The following XKR6 variants were observed in gnomAD, a reference collection of about 807,000 sequenced individuals.
The protein encoded by XKR6 is XK related 6.
Under a neutral mutation model 56.7 loss-of-function variants are expected in XKR6, and 22 were observed. The observed-to-expected ratio is 0.39, with a 90% confidence interval of 0.28 to 0.55. The LOEUF is 0.55. Among genes scored for constraint, XKR6 ranks in the 20% least tolerant of loss-of-function variants. The pLI is 0.66. For synonymous variants in XKR6, 524 were observed against 387.8 expected, an observed-to-expected ratio of 1.35 and a Z score of -4.13; for missense variants, 852 against 889.0, an observed-to-expected ratio of 0.96 and a Z score of 0.53.
chr8:10,931,269 G>A (rs1026166802), intron 1 of XKR6, among the ~76,000 whole-genome samples: 1 of 152,084 alleles, frequency 6.6e-6, no homozygotes, highest in Admixed American at 6.5e-5. Context: ...GCTAATAAAA[G>A]AAATCAAAGA....
At chr8:11,169,632 G>C (rs565013042) in intron 1 of XKR6, among the ~76,000 whole-genome samples, 1 of 152,288 alleles carries the variant, frequency 6.6e-6, no homozygotes, top group South Asian at 2.1e-4. Context: ...CTGGAGAAAG[G>C]AGAAAATGGG....
chr8:11,163,675 C>G (rs375043038), intron 1 of XKR6, among the ~76,000 whole-genome samples: 30 of 152,194 alleles, frequency 2.0e-4, no homozygotes, highest in Middle Eastern at 3.2e-3. Context: ...TGGTCTGCTA[C>G]CCCAGACCAC....
intron 1 of XKR6, among the ~76,000 whole-genome samples, chr8:11,102,821 G>C (rs1388238353): frequency 6.6e-6 from 1 of 152,154 alleles, no homozygotes; most frequent in Non-Finnish European, 1.5e-5. Flanking sequence ...CTCAGAACTG[G>C]CTGCATTTGG....
chr8:11,032,843 C>A (rs956152439), intron 1 of XKR6, among the ~76,000 whole-genome samples: 1 of 152,192 alleles, frequency 6.6e-6, no homozygotes, highest in Admixed American at 6.5e-5. Context: ...GGTGTTGACA[C>A]TGGCCCTCCC....
chr8:11,137,820 C>T (rs1430367449), intron 1 of XKR6: 2 of 380,160 alleles, frequency 5.3e-6, no homozygotes, highest in Non-Finnish European at 1.0e-5. Context: ...TGCACCGCAA[C>T]TCTAGAATCT....
chr8:10,913,871 C>G (rs1800480503), intron 2 of XKR6, among the ~76,000 whole-genome samples: 1 of 152,204 alleles, frequency 6.6e-6, no homozygotes, highest in Non-Finnish European at 1.5e-5. Flanking sequence ...GTCCCAGCAG[C>G]AGCACGAGGC....
At chr8:10,917,306 T>C (rs557466757) in intron 2 of XKR6, among the ~76,000 whole-genome samples, 113 of 152,310 alleles carry the variant, frequency 7.4e-4, no homozygotes, top group Non-Finnish European at 1.5e-3. Flanking sequence ...GGCTTCCCTG[T>C]GTTAAATGGG....
intron 1 of XKR6, among the ~76,000 whole-genome samples, chr8:11,157,982 T>C (rs1801605990): frequency 6.6e-6 from 1 of 152,196 alleles, no homozygotes; most frequent in Non-Finnish European, 1.5e-5. Flanking sequence ...AAAAATCTGT[T>C]GAGTCAATTG....
intron 1 of XKR6, among the ~76,000 whole-genome samples, chr8:11,097,385 A>G (rs765941754): frequency 3.9e-5 from 6 of 152,104 alleles, no homozygotes; most frequent in Non-Finnish European, 7.4e-5. Flanking sequence ...TCCAGCATAA[A>G]CTTGAGCAAT....
intron 1 of XKR6, among the ~76,000 whole-genome samples, chr8:11,177,460 C>T (rs567235375): frequency 6.6e-6 from 1 of 152,276 alleles, no homozygotes; most frequent in East Asian, 1.9e-4. Context: ...GCTCAATTCT[C>T]CCTCCCAAAA....
In XKR6 at chr8:11,200,756, G is replaced by A. The variant is rs1369595488; in HGVS notation, c.584C>T (p.Ala195Val). ...VQDYTGGGLG[A>V]VEGLTSRGPP... ...GCCCCGGCTGGTGAGCCCCTCCACG[G>A]CGCCCAGCCCGCCGCCCGTGTAGTC... The change falls in exon 1 of 3, where the codon GCC (alanine) becomes GTC (valine). Residue 195 changes from alanine to valine, a missense_variant. By Grantham distance (64) the Ala-to-Val change is moderately conservative. This residue lies in a region of XKR6 where 417 missense variants were observed against 355.2 expected (regional missense o/e 1.17). Coordinates refer to ENST00000416569, the MANE Select transcript of XKR6 (RefSeq NM_173683.4). The surrounding 1 kb of genome is among the most constrained non-coding windows in gnomAD (Gnocchi z 6.4). The A allele has an allele frequency of 1.3e-6, 2 of 1,598,096 alleles. No individual in the cohort carries two copies. Among genetic ancestry groups the A allele is most frequent in the Non-Finnish European group, 1.7e-6 (2 of 1,174,256 alleles).
At chr8:11,117,200 C>T (rs1317253023) in intron 1 of XKR6, among the ~76,000 whole-genome samples, 1 of 152,188 alleles carries the variant, frequency 6.6e-6, no homozygotes, top group Non-Finnish European at 1.5e-5. Flanking sequence ...GGGTTAACCC[C>T]CATGATACAC....
intron 1 of XKR6, among the ~76,000 whole-genome samples, chr8:11,024,372 C>T (rs1026393731): frequency 2.6e-5 from 4 of 152,114 alleles, no homozygotes; most frequent in African/African-American, 9.7e-5. Context: ...CCCCAACCTC[C>T]ACATCTGTCT....
At position 10,924,790 on chromosome 8, in the gene XKR6, G is replaced by A. The variant is rs374654242; in HGVS notation, c.805C>T (p.Arg269Trp). The change falls in exon 2 of 3, where the codon CGG becomes TGG. Residue 269 changes from arginine (R) to tryptophan (W), a missense_variant. Around this residue, in one of 4 missense-constraint regions of XKR6, gnomAD observed 199 missense variants for 280.4 expected, o/e 0.71. Transcript: ENST00000416569. ...TMYLGIQSQR[R>W]KEHQRRFYWA... Reference sequence around the variant, plus strand: ...TAGAAGCGTCGCTGGTGTTCCTTCCGCCGCTGGCTCTGAATCCCCAGGTAC... The same window carrying A: ...TAGAAGCGTCGCTGGTGTTCCTTCCACCGCTGGCTCTGAATCCCCAGGTAC... The A allele has an allele frequency of 1.1e-5, 18 of 1,613,860 alleles. No homozygotes were observed. In the African/African-American group the frequency reaches 1.6e-4, roughly 14 times the overall value.
chr8:11,174,095 C>G (rs530227150), intron 1 of XKR6, among the ~76,000 whole-genome samples: 1 of 152,194 alleles, frequency 6.6e-6, no homozygotes, highest in Admixed American at 6.5e-5. Flanking sequence ...AGGTCCAACT[C>G]GATTAATTTC....
chr8:11,027,735 G>A (rs928633904), intron 1 of XKR6, among the ~76,000 whole-genome samples: 2 of 152,196 alleles, frequency 1.3e-5, no homozygotes, highest in Non-Finnish European at 2.9e-5. Flanking sequence ...TTACTTGTGG[G>A]TAAGAACAGA....
At chr8:11,152,688 G>C (rs1194415811) in intron 1 of XKR6, among the ~76,000 whole-genome samples, 2 of 152,188 alleles carry the variant, frequency 1.3e-5, no homozygotes, top group Admixed American at 1.3e-4. Context: ...CAAGTGAACA[G>C]AACTAAGTAA....
At position 11,057,343 on chromosome 8, in the gene XKR6, G is replaced by A. The variant is rs184831816; in HGVS notation, c.765-132513C>T. Among the ~76,000 whole-genome samples the A allele has an allele frequency of 1.2e-4, 18 of 152,254 alleles. No individual in the cohort carries two copies. The East Asian group carries it at 2.7e-3, about 23-fold the overall frequency. On this transcript the variant is annotated intron_variant, in intron 1 of 2. Transcript: ENST00000416569. The stretch of plus-strand genomic sequence containing the variant: ...CACTAGAATGTAAGCTTGCATGAGA[G>A]GGCTTTTTGTCTGTTTTGTTCACTG...
intron 2 of XKR6, among the ~76,000 whole-genome samples, chr8:10,916,907 C>A (rs1013872169): frequency 6.6e-6 from 1 of 152,098 alleles, no homozygotes; most frequent in South Asian, 2.1e-4. Context: ...ATAAAAGGAG[C>A]CTGCAAGTGA....
Sources: gnomAD v4.1 joint callset for allele counts (sites outside exome capture counted in the v4.1 genomes callset) on GRCh38, gnomAD v4.1.1 for gene constraint, gnomAD v4.1.1 regional missense constraint, Gnocchi (gnomAD v3.1) non-coding constraint, MANE v1.5 for transcripts, NCBI Gene and HGNC (gene_info 2026-07-23, HGNC 2026-07-21) for gene names.